Variants in CDH23 observed in about 807,000 individuals in gnomAD.
CDH23 encodes cadherin related 23, also known as cadherin-23.
Under a neutral mutation model 317.1 loss-of-function variants are expected in CDH23, and 189 were observed. That is an observed-to-expected ratio of 0.60 (90% confidence interval 0.53 to 0.67). The LOEUF (loss-of-function observed/expected upper bound fraction) is 0.67. CDH23 is among the 30% of genes least tolerant of loss of function. The probability of loss-of-function intolerance (pLI) is 0.00; values close to 1 mark genes in which losing one functional copy is unlikely to be tolerated. For synonymous variants in CDH23, 1,839 were observed against 1,876.8 expected (o/e 0.98, Z 0.52); for missense variants, 4,401 against 4,592.4 (o/e 0.96, Z 1.20).
intron 28 of CDH23, among the ~76,000 whole-genome samples, chr10:71,721,070 C>G (rs1338929743): frequency 6.6e-6 from 1 of 152,228 alleles, no homozygotes; most frequent in East Asian, 1.9e-4. Context: ...CTGTGGCCCC[C>G]ATTCCTCCTG....
chr10:71,627,732 C>T (rs1861811218), intron 11 of CDH23, among the ~76,000 whole-genome samples: 2 of 152,194 alleles, frequency 1.3e-5, no homozygotes, highest in Non-Finnish European at 2.9e-5. Context: ...TCACCTGCCT[C>T]CCTGGCAGGC....
At chr10:71,639,630 G>A (rs938374757) in intron 11 of CDH23, among the ~76,000 whole-genome samples, 1 of 152,170 alleles carries the variant, frequency 6.6e-6, no homozygotes, top group African/African-American at 2.4e-5. Context: ...TGTGTGGCTT[G>A]AACACTTACC....
At chr10:71,715,810 G>C (rs1258156900) in intron 28 of CDH23, 10 of 920,084 alleles carry the variant, frequency 1.1e-5, no homozygotes, top group Middle Eastern at 2.3e-4. Flanking sequence ...GGAGCTTCGG[G>C]GGGTGAGTGT....
intron 2 of CDH23, among the ~76,000 whole-genome samples, chr10:71,440,847 C>G (rs568637997): frequency 6.6e-6 from 1 of 152,182 alleles, no homozygotes; most frequent in South Asian, 2.1e-4. Flanking sequence ...TGGTGACACA[C>G]GCAAACACAT....
At chr10:71,802,411 G>GT (rs1468273145) in intron 53 of CDH23, among the ~76,000 whole-genome samples, 3 of 152,238 alleles carry the variant, frequency 2.0e-5, no homozygotes, top group Non-Finnish European at 4.4e-5. Flanking sequence ...TGCTGTGTCT[G>GT]TAAGACCTGC....
At chr10:71,741,072 G>C (rs2132846549) in intron 37 of CDH23, 122 bp downstream of exon 37, 1 of 1,152,956 alleles carries the variant, frequency 8.7e-7, no homozygotes, top group East Asian at 2.4e-5. Flanking sequence ...TCATGGATGG[G>C]AACTGTGGCT....
At position 71,705,012 on chromosome 10, in the gene CDH23, C is replaced by T. The variant is rs373035321; in HGVS notation, c.2835C>T (p.Gly945=). Residue 945 remains glycine, a synonymous_variant, in exon 25 of 70, where the codon GGC becomes GGT. Transcript: ENST00000224721. ...RMDFLINSSS[G]VVVTTTELDR... is the part of the protein sequence containing the mutation. ...ACTTCCTCATCAACAGCAGCAGCGG[C>T]GTGGTGGTCACCACCACCGAGCTGG... 3.7e-6 allele frequency: 6 copies of T among 1,612,650 alleles called. No homozygotes were observed. The highest frequency in any genetic ancestry group is 2.7e-5 in the African/African-American group (2 of 74,924).
At chr10:71,595,417 A>T (rs1019711900) in intron 9 of CDH23, among the ~76,000 whole-genome samples, 2 of 151,928 alleles carry the variant, frequency 1.3e-5, no homozygotes, top group African/African-American at 4.8e-5. Flanking sequence ...TACTTAACTG[A>T]CAGTAGCAGG....
chr10:71,737,397 G>A (rs1839596079), intron 34 of CDH23, among the ~76,000 whole-genome samples: 1 of 152,238 alleles, frequency 6.6e-6, no homozygotes, highest in Non-Finnish European at 1.5e-5. Context: ...ATAAGTGGTT[G>A]GGTTGGCCTA....
chr10:71,708,404 AC>A (rs1865864465), intron 26 of CDH23, among the ~76,000 whole-genome samples: 1 of 152,110 alleles, frequency 6.6e-6, no homozygotes. Flanking sequence ...TGCCCAGAAC[AC>A]CACACTGCTC....
chr10:71,610,906 A>G (rs1276779847), intron 9 of CDH23, among the ~76,000 whole-genome samples: 2 of 152,054 alleles, frequency 1.3e-5, no homozygotes, highest in Admixed American at 6.5e-5. Context: ...TTACGGTGGT[A>G]AAAGTGCAGC....
chr10:71,806,033 G>T (rs45466705), intron 56 of CDH23, 36 bp downstream of exon 56: 2 of 1,547,646 alleles, frequency 1.3e-6, no homozygotes, highest in South Asian at 2.3e-5. Context: ...GCGGGGTCTG[G>T]GGCGGGGCTT....
rs895474705 is a variant in CDH23, at chr10:71,811,521, T to A, written c.9209T>A (p.Ile3070Asn). 2.5e-6 allele frequency: 4 copies of A among 1,613,958 alleles called. No homozygotes were observed. The highest frequency in any genetic ancestry group is 2.5e-6 in the Non-Finnish European group (3 of 1,179,880). ...GTCCTGCTCCCGCAGATGGCGATCA[T>A]CGTCCTGGCTATCCTCCTGTTCCTG... ...DDMSALQMAI[I>N]VLAILLFLAA... Residue 3070 changes from isoleucine (I) to asparagine (N), a missense_variant, in exon 64 of 70, where the codon ATC (isoleucine) becomes AAC (asparagine). Ile to Asn is a moderately radical substitution (Grantham distance 149). Around this residue, in one of 3 missense-constraint regions of CDH23, gnomAD observed 1,144 missense variants for 1,138.2 expected, o/e 1.01. Transcript: ENST00000224721.
chr10:71,727,322 T>C (rs565432905), intron 30 of CDH23, among the ~76,000 whole-genome samples: 1 of 152,292 alleles, frequency 6.6e-6, no homozygotes, highest in East Asian at 1.9e-4. Flanking sequence ...ATAAGCCTCT[T>C]CAAAGCCCAG....
At chr10:71,598,401 T>TG in intron 9 of CDH23, among the ~76,000 whole-genome samples, 1 of 152,366 alleles carries the variant, frequency 6.6e-6, no homozygotes, top group South Asian at 2.1e-4. Flanking sequence ...ACACCCCAAG[T>TG]GACGCCATCT....
chr10:71,740,933 A>G lies in CDH23; in HGVS notation c.4600A>G (p.Asn1534Asp). Residue 1534 changes from asparagine to aspartate, a missense_variant, in exon 37 of 70, where the codon AAT becomes GAT. Coordinates refer to ENST00000224721, the MANE Select transcript of CDH23 (RefSeq NM_022124.6). ...AGTCATCGAGAGCCCCTTTGGATAC[A>G]ATGTCAGTGTGAATGAGGTGAGGGC... ...PPVIESPFGY[N>D]VSVNENVGGG... 6.2e-7 allele frequency: 1 copy of G among 1,613,920 alleles called. No homozygotes were observed. The highest frequency in any genetic ancestry group is 8.5e-7 in the Non-Finnish European group (1 of 1,179,856).
chr10:71,584,143 A>G (rs567150173), intron 9 of CDH23, among the ~76,000 whole-genome samples: 2 of 152,300 alleles, frequency 1.3e-5, no homozygotes, highest in South Asian at 4.1e-4. Context: ...AAAATTTTGT[A>G]CTGGGGAAGA....
intron 17 of CDH23, among the ~76,000 whole-genome samples, chr10:71,680,024 T>C (rs1207951145): frequency 6.6e-6 from 1 of 152,216 alleles, no homozygotes; most frequent in African/African-American, 2.4e-5. Context: ...GCAACTTGCC[T>C]GAGCTCACCC....
intron 28 of CDH23, chr10:71,713,443 C>G: frequency 1.7e-6 from 1 of 599,400 alleles, no homozygotes; most frequent in Non-Finnish European, 3.0e-6. Flanking sequence ...CTGAGCCAAA[C>G]AGGGAATCTG....
Sources: allele counts gnomAD v4.1 joint callset (sites outside exome capture counted in the v4.1 genomes callset), GRCh38; gene constraint gnomAD v4.1.1; regional missense constraint gnomAD v4.1.1; transcripts MANE v1.5; gene names NCBI Gene and HGNC (gene_info 2026-07-23, HGNC 2026-07-21).